The following TMEM135 variants were observed in gnomAD, a reference collection of about 807,000 sequenced individuals.
TMEM135 encodes the protein peroxisomal membrane protein 52.
In TMEM135, 30 loss-of-function variants were observed where a neutral mutation model predicts 60.3. The ratio of observed to expected loss-of-function variants is 0.50; its 90% CI spans 0.37 to 0.68. TMEM135 has a LOEUF of 0.68. TMEM135 is among the 30% of genes least tolerant of loss of function. The probability of loss-of-function intolerance (pLI) is 0.00; values close to 1 mark genes in which losing one functional copy is unlikely to be tolerated. For synonymous variants in TMEM135, 190 were observed against 186.7 expected (o/e 1.02, Z -0.14); for missense variants, 468 against 548.8 (o/e 0.85, Z 1.47).
intron 4 of TMEM135, among the ~76,000 whole-genome samples, chr11:87,155,641 T>C (rs1004237636): frequency 2.0e-5 from 3 of 152,136 alleles, no homozygotes; most frequent in Non-Finnish European, 4.4e-5. Context: ...CCCTGTGGAA[T>C]TTGGGGCTAG....
At chr11:87,052,642 A>G (rs1385207123) in intron 1 of TMEM135, among the ~76,000 whole-genome samples, 1 of 103,654 alleles carries the variant, frequency 9.6e-6, no homozygotes, top group African/African-American at 3.8e-5. Context: ...TAGAATGGCA[A>G]TCATTAAAAA....
In TMEM135 at chr11:87,328,350, G is replaced by T. The variant is rs1215786548; in HGVS notation, c.*7017G>T. 5 of 453,944 alleles carry T rather than the reference G, an allele frequency of 1.1e-5. No individual in the cohort carries two copies. The highest frequency in any genetic ancestry group is 7.8e-5 in the South Asian group (5 of 64,442). 28.1% of individuals were successfully genotyped at this position (453,944 alleles called of 1,614,324 possible). A position where few individuals can be genotyped will look rare whatever the true frequency, so the allele number is the denominator to read the frequency against. On this transcript the variant is annotated 3_prime_UTR_variant, in exon 15 of 15. Transcript: ENST00000305494. ...ATGTTTTATGTGTCATTTAATTAAG[G>T]AATGAATTTGCTTATTTTTATTTCA...
In TMEM135 at chr11:87,324,917, A is replaced by G. The variant is rs79534416; in HGVS notation, c.*3584A>G. ...CTCAGCTGAAAATGAGTGGCCAAGA[A>G]AAAAATACAAGAAAAGGAATAAGAA... is the stretch of plus-strand genomic sequence containing the variant. On this transcript the variant is annotated 3_prime_UTR_variant, in exon 15 of 15. Transcript: ENST00000305494. The G allele has an allele frequency of 0.14, 61,677 of 453,818 alleles. 4,411 individuals carry two copies. The highest frequency in any genetic ancestry group is 0.15 in the South Asian group (9,580 of 64,450). The allele number at this position is 453,818 out of a possible 1,614,324, so 28.1% of individuals were successfully genotyped here. A position where few individuals can be genotyped will look rare whatever the true frequency, so the allele number is the denominator to read the frequency against.
intron 6 of TMEM135, among the ~76,000 whole-genome samples, chr11:87,286,958 A>G (rs1591170231): frequency 6.6e-6 from 1 of 152,194 alleles, no homozygotes; most frequent in African/African-American, 2.4e-5. Context: ...TTTAATTTTG[A>G]TACTGAGTGA....
At chr11:87,166,600 A>G (rs112248428) in intron 5 of TMEM135, among the ~76,000 whole-genome samples, 3,448 of 151,766 alleles carry the variant, frequency 0.023, 250 homozygotes, top group African/African-American at 0.08. Context: ...GGTTAGTCAA[A>G]GATCAGATAG....
chr11:87,101,969 G>A (rs769331663), intron 4 of TMEM135, among the ~76,000 whole-genome samples: 6 of 151,996 alleles, frequency 3.9e-5, no homozygotes, highest in Non-Finnish European at 8.8e-5. Flanking sequence ...GCAAAACTCC[G>A]TCTCGGGGAA....
chr11:87,085,676 G>A, intron 3 of TMEM135, among the ~76,000 whole-genome samples: 1 of 152,138 alleles, frequency 6.6e-6, no homozygotes, highest in East Asian at 1.9e-4. Flanking sequence ...AGGATGCCTT[G>A]TGCCTGGGAG....
At position 87,327,207 on chromosome 11, in the gene TMEM135, T is replaced by A. The variant is rs1386045733; in HGVS notation, c.*5874T>A. On this transcript the variant is annotated 3_prime_UTR_variant, in exon 15 of 15. Coordinates refer to ENST00000305494, the MANE Select transcript of TMEM135 (RefSeq NM_022918.4). ...ATGTAATGGAAAATCTGGGAAACAC[T>A]TGGGAAAAATCTTCCCTCTCTGCTT... The A allele has an allele frequency of 2.2e-6, 1 of 454,062 alleles. No individual in the cohort carries two copies. The highest frequency in any genetic ancestry group is 2.0e-5 in the African/African-American group (1 of 50,092). The allele number at this position is 454,062 out of a possible 1,614,324, so 28.1% of individuals were successfully genotyped here.
Position 87,325,742 on chromosome 11 carries a change from T to A in TMEM135, c.*4409T>A, listed in dbSNP as rs10898669. The A allele has an allele frequency of 4.4e-5, 20 of 453,760 alleles. 1 individual carries two copies. Among genetic ancestry groups the A allele is most frequent in the Admixed American group, 3.8e-4 (16 of 42,528 alleles). 28.1% of individuals were successfully genotyped at this position (453,760 alleles called of 1,614,324 possible). A position where few individuals can be genotyped will look rare whatever the true frequency, so the allele number is the denominator to read the frequency against. ...GCTCTGTTTTTCTTAGGCAGGATGATGTAGAAGATAATTGCACAGATATGG... is the reference window on the plus strand; with the variant it reads ...GCTCTGTTTTTCTTAGGCAGGATGAAGTAGAAGATAATTGCACAGATATGG... On this transcript the variant is annotated 3_prime_UTR_variant, in exon 15 of 15. Transcript: ENST00000305494.
chr11:87,107,412 C>A (rs1263059741), intron 4 of TMEM135, among the ~76,000 whole-genome samples: 1 of 146,548 alleles, frequency 6.8e-6, no homozygotes, highest in Non-Finnish European at 1.5e-5. Flanking sequence ...TATCCATCCC[C>A]CCTCCCCCCA....
intron 5 of TMEM135, among the ~76,000 whole-genome samples, chr11:87,160,789 C>A (rs1938849192): frequency 1.3e-5 from 2 of 152,082 alleles, no homozygotes. Flanking sequence ...AATCTATTAC[C>A]TCATTAAATG....
chr11:87,208,575 C>A (rs898357466), intron 5 of TMEM135, among the ~76,000 whole-genome samples: 2 of 152,086 alleles, frequency 1.3e-5, no homozygotes, highest in African/African-American at 4.8e-5. Flanking sequence ...AGAGACCAAA[C>A]CTACAACTCA....
chr11:87,159,820 A>G (rs73525183), intron 5 of TMEM135, among the ~76,000 whole-genome samples: 3,883 of 152,258 alleles, frequency 0.026, 143 homozygotes, highest in African/African-American at 0.079. Context: ...TGCTAAATTT[A>G]AACTGTGTTT....
chr11:87,088,843 C>T (rs1026015047), intron 3 of TMEM135, among the ~76,000 whole-genome samples: 1 of 152,154 alleles, frequency 6.6e-6, no homozygotes, highest in African/African-American at 2.4e-5. Flanking sequence ...GTCAAAAACA[C>T]AATTGTCAAA....
At chr11:87,178,430 T>C (rs1328565664) in intron 5 of TMEM135, 1 of 456,110 alleles carries the variant, frequency 2.2e-6, no homozygotes, top group African/African-American at 2.0e-5. Context: ...TTCCTTTCCT[T>C]AACATAATGC....
chr11:87,085,863 A>G (rs1857085437), intron 3 of TMEM135, among the ~76,000 whole-genome samples: 2 of 152,212 alleles, frequency 1.3e-5, no homozygotes, highest in African/African-American at 4.8e-5. Context: ...ACTGACTCTG[A>G]ATTCCAGCTT....
chr11:87,225,346 A>T (rs1459309780), intron 5 of TMEM135, among the ~76,000 whole-genome samples: 1 of 152,140 alleles, frequency 6.6e-6, no homozygotes, highest in African/African-American at 2.4e-5. Context: ...TACATGAAAC[A>T]GTGTATGTTA....
At chr11:87,168,077 A>G (rs139485543) in intron 5 of TMEM135, among the ~76,000 whole-genome samples, 15,089 of 151,848 alleles carry the variant, frequency 0.099, 769 homozygotes, top group African/African-American at 0.11. Flanking sequence ...TTTCTTCTAG[A>G]TTTTCTAGTT....
chr11:87,314,633 A>G, intron 12 of TMEM135, 86 bp downstream of exon 12: 3 of 1,048,030 alleles, frequency 2.9e-6, no homozygotes, highest in South Asian at 1.3e-5. Context: ...GTATATCCCA[A>G]TGGCAAACAT....
Sources: allele counts gnomAD v4.1 joint callset (sites outside exome capture counted in the v4.1 genomes callset), GRCh38; gene constraint gnomAD v4.1.1; transcripts MANE v1.5; gene names NCBI Gene and HGNC (gene_info 2026-07-23, HGNC 2026-07-21).